Variants in MAN1B1 observed in about 807,000 individuals in gnomAD.
The protein encoded by MAN1B1 is endoplasmic reticulum mannosyl-oligosaccharide 1,2-alpha-mannosidase.
A neutral mutation model predicts 75.5 loss-of-function variants in MAN1B1; 66 were observed. That is an observed-to-expected ratio of 0.87 (90% CI 0.72 to 1.07). The LOEUF is 1.07. Among genes scored for constraint, MAN1B1 ranks in the 50% least tolerant of loss-of-function variants. The pLI is 0.00. For synonymous variants in MAN1B1, 453 were observed against 382.8 expected (o/e 1.18, Z -2.14); for missense variants, 973 against 912.5 (o/e 1.07, Z -0.85).
intron 5 of MAN1B1, 67 bp from the exon 6 acceptor site, chr9:137,099,629 A>C: frequency 6.5e-7 from 1 of 1,529,938 alleles, no homozygotes; most frequent in Admixed American, 1.7e-5. Context: ...GCTCTGCCTG[A>C]GGGTGTCCAT....
In MAN1B1 at chr9:137,100,969, A is replaced by T. The variant is rs201220415; in HGVS notation, c.917-36A>T. 3.1e-6 allele frequency: 5 copies of T among 1,613,536 alleles called. No individual in the cohort carries two copies. The East Asian group carries it at 1.1e-4, about 36-fold the overall frequency. Reference sequence around the variant, plus strand: ...TAATAGGAAAACGTTGGAGCCATCCATTTGTCTCTGCATCCTTTACTGTTT... The same window carrying T: ...TAATAGGAAAACGTTGGAGCCATCCTTTTGTCTCTGCATCCTTTACTGTTT... On this transcript the variant is annotated intron_variant, in intron 6 of 12. Transcript: ENST00000371589.
At chr9:137,095,501 G>A (rs1055720579) in intron 3 of MAN1B1, among the ~76,000 whole-genome samples, 2 of 152,010 alleles carry the variant, frequency 1.3e-5, no homozygotes, top group African/African-American at 2.4e-5. Flanking sequence ...GGAGGAATTC[G>A]TGAGGCCAGG....
At chr9:137,088,474 C>T (rs1830438164) in intron 2 of MAN1B1, 6 of 1,480,962 alleles carry the variant, frequency 4.1e-6, no homozygotes, top group Non-Finnish European at 5.5e-6. Context: ...TAAATAACCA[C>T]ACAAATTTCG....
intron 10 of MAN1B1, 98 bp downstream of exon 10, chr9:137,106,907 G>T (rs1831130609): frequency 6.6e-7 from 1 of 1,524,218 alleles, no homozygotes; most frequent in Non-Finnish European, 8.9e-7. Flanking sequence ...TCCTGGCCAT[G>T]GCGCCCACGT....
At chr9:137,104,921 G>A (rs958017541) in intron 8 of MAN1B1, 1 of 151,460 alleles carries the variant, frequency 6.6e-6, no homozygotes, top group Non-Finnish European at 1.5e-5. Context: ...GCTGTGGCGC[G>A]ATCTCGGCTC....
At chr9:137,106,372 C>G (rs1161191536) in intron 9 of MAN1B1, 57 bp downstream of exon 9, 6 of 1,461,900 alleles carry the variant, frequency 4.1e-6, no homozygotes, top group African/African-American at 1.4e-5. Context: ...CGCAGCCCCC[C>G]ACTCCTGCTG....
chr9:137,107,059 G>A (rs574262829), intron 10 of MAN1B1, 191 bp from the exon 11 acceptor site: 27 of 755,306 alleles, frequency 3.6e-5, no homozygotes, highest in East Asian at 3.5e-4. Context: ...GTCCTCGGGC[G>A]GTGTGTGGGG....
chr9:137,094,494 C>T, intron 3 of MAN1B1: 1 of 336,004 alleles, frequency 3.0e-6, no homozygotes, highest in South Asian at 2.4e-5. Context: ...CATCCCAGCA[C>T]TTTGAGAGGC....
chr9:137,089,223 C>T, intron 3 of MAN1B1: 3 of 628,464 alleles, frequency 4.8e-6, no homozygotes, highest in Non-Finnish European at 8.5e-6. Context: ...GGTTTTACTT[C>T]TGACTGTGCA....
chr9:137,093,676 A>G (rs1830574832), intron 3 of MAN1B1, among the ~76,000 whole-genome samples: 1 of 151,578 alleles, frequency 6.6e-6, no homozygotes, highest in Non-Finnish European at 1.5e-5. Flanking sequence ...TAAAAATACA[A>G]AAACAAAATT....
rs889030210 is a variant in MAN1B1, at chr9:137,088,760, A to G, written c.329-109A>G. On this transcript the variant is annotated intron_variant, in intron 2 of 12. Coordinates refer to ENST00000371589, the MANE Select transcript of MAN1B1 (RefSeq NM_016219.5). ...TTCATTTCAGTGACTATCAGGTATC[A>G]TAATGTTGATTTGTAATGGATAGTG... 16 of 1,170,010 alleles carry G rather than the reference A, an allele frequency of 1.4e-5. No homozygotes were observed. The African/African-American group carries it at 2.3e-4, about 17-fold the overall frequency. 72.5% of individuals were successfully genotyped at this position (1,170,010 alleles called of 1,614,324 possible).
In MAN1B1 at chr9:137,095,609, C is replaced by A. The variant is rs146073824; in HGVS notation, c.466-628C>A. On this transcript the variant is annotated intron_variant, in intron 3 of 12. Transcript: ENST00000371589. Reference sequence around the variant, plus strand: ...TGGTAATACCACAGAAAACTGAGGCCATAGGAGAGAATGGATTTGCCTCTA... The same window carrying A: ...TGGTAATACCACAGAAAACTGAGGCAATAGGAGAGAATGGATTTGCCTCTA... Among the ~76,000 whole-genome samples the A allele has an allele frequency of 5.0e-3, 756 of 152,206 alleles. 7 individuals carry two copies. The highest frequency in any genetic ancestry group is 0.017 in the Middle Eastern group (5 of 294).
At chr9:137,102,742 CGGT>C (rs1167574840) in intron 8 of MAN1B1, 25 of 395,796 alleles carry the variant, frequency 6.3e-5, no homozygotes, top group South Asian at 3.4e-4. Context: ...GCGTGCAGGT[CGGT>C]GGTGTTACAT....
At chr9:137,103,260 T>C (rs1588629980) in intron 8 of MAN1B1, 2 of 421,722 alleles carry the variant, frequency 4.7e-6, no homozygotes, top group Non-Finnish European at 4.6e-6. Context: ...AGGTCGGTGT[T>C]ACACACATGC....
intron 4 of MAN1B1, among the ~76,000 whole-genome samples, chr9:137,096,649 C>T (rs1407069577): frequency 6.6e-6 from 1 of 152,224 alleles, no homozygotes; most frequent in East Asian, 1.9e-4. Context: ...GAAGGGTGCA[C>T]AGGTGCGTGG....
intron 3 of MAN1B1, among the ~76,000 whole-genome samples, chr9:137,094,813 G>T (rs1830613209): frequency 6.6e-6 from 1 of 151,964 alleles, no homozygotes; most frequent in Admixed American, 6.6e-5. Flanking sequence ...CCAGGAGGCA[G>T]AGGTTGCAGT....
At position 137,087,107 on chromosome 9, in the gene MAN1B1, C is replaced by A; in HGVS notation, c.108C>A (p.Val36=). ...CTTGGGCCGTCGCCACCACTGTAGTCATGTACCCACCGCCGCCGCCGCCGC... is the reference window on the plus strand; with the variant it reads ...CTTGGGCCGTCGCCACCACTGTAGTAATGTACCCACCGCCGCCGCCGCCGC... The part of the protein sequence containing the change: ...GAPWAVATTV[V]MYPPPPPPPH... Residue 36 remains valine, a synonymous_variant, in exon 1 of 13, where the codon GTC becomes GTA. Coordinates refer to ENST00000371589, the MANE Select transcript of MAN1B1 (RefSeq NM_016219.5). 6.3e-7 allele frequency: 1 copy of A among 1,596,148 alleles called. No homozygotes were observed. The highest frequency in any genetic ancestry group is 2.3e-5 in the East Asian group (1 of 44,254).
chr9:137,103,280 C>T lies in MAN1B1; in HGVS notation c.1254+1608C>T, dbSNP rs371737530. On this transcript the variant is annotated intron_variant, in intron 8 of 12. Coordinates refer to ENST00000371589, the MANE Select transcript of MAN1B1 (RefSeq NM_016219.5). ...GGTGTTACACACATGCTGTTGCAGG[C>T]GTGCAGGTCGGTGGTACATTCATGC... The T allele has an allele frequency of 4.0e-4, 171 of 423,710 alleles. 1 individual carries two copies. The East Asian group carries it at 0.012, about 30-fold the overall frequency. 26.2% of individuals were successfully genotyped at this position (423,710 alleles called of 1,614,324 possible).
At chr9:137,099,947 T>C (rs1830763740) in intron 6 of MAN1B1, 66 bp downstream of exon 6, 2 of 1,576,398 alleles carry the variant, frequency 1.3e-6, no homozygotes, top group Non-Finnish European at 1.7e-6. Flanking sequence ...AGGCAGAGTG[T>C]GGGTTGCACA....
Sources: allele counts gnomAD v4.1 joint callset (sites outside exome capture counted in the v4.1 genomes callset), GRCh38; gene constraint gnomAD v4.1.1; transcripts MANE v1.5; gene names NCBI Gene and HGNC (gene_info 2026-07-23, HGNC 2026-07-21).